UBE2D2: variants seen among roughly 807,000 people sequenced by gnomAD.
UBE2D2 encodes the protein ubiquitin conjugating enzyme E2 D2, also known as ubiquitin-conjugating enzyme E2 D2.
In UBE2D2, 2 loss-of-function variants were observed where a neutral mutation model predicts 24.2. The ratio of observed to expected loss-of-function variants is 0.08; its 90% CI spans 0.03 to 0.26. The LOEUF is 0.26. UBE2D2 is among the 10% of genes least tolerant of loss of function. The pLI, the probability that UBE2D2 is intolerant of heterozygous loss-of-function variation, is 1.00. For synonymous variants in UBE2D2, 58 were observed against 56.5 expected (o/e 1.03, Z -0.12); for missense variants, 44 against 177.6 (o/e 0.25, Z 4.28).
intron 1 of UBE2D2, among the ~76,000 whole-genome samples, chr5:139,547,012 C>G (rs764830463): frequency 4.0e-5 from 6 of 151,576 alleles, no homozygotes; most frequent in Admixed American, 2.6e-4. Flanking sequence ...TCCTGCCGGC[C>G]GGGCAAGGTG....
chr5:139,607,662 T>C (rs914407380), intron 2 of UBE2D2, among the ~76,000 whole-genome samples: 3 of 152,312 alleles, frequency 2.0e-5, no homozygotes, highest in Admixed American at 6.5e-5. Flanking sequence ...TAAATAGATA[T>C]GGATTACAGA....
chr5:139,577,766 G>A (rs186589788), intron 1 of UBE2D2, among the ~76,000 whole-genome samples: 282 of 152,246 alleles, frequency 1.9e-3, no homozygotes, highest in Non-Finnish European at 3.4e-3. Context: ...CCTATATTAA[G>A]TAGCACAGAA....
At chr5:139,602,496 G>C (rs1754101146) in intron 2 of UBE2D2, among the ~76,000 whole-genome samples, 1 of 152,044 alleles carries the variant, frequency 6.6e-6, no homozygotes, top group Non-Finnish European at 1.5e-5. Flanking sequence ...GGGCAACATG[G>C]TGAAACCCTC....
intron 5 of UBE2D2, among the ~76,000 whole-genome samples, chr5:139,616,225 C>CGAGGCAGGAGAATCGCTTG (rs1029545179): frequency 1.3e-5 from 2 of 151,584 alleles, no homozygotes; most frequent in African/African-American, 4.8e-5. Flanking sequence ...TTTGGGAGGC[C>CGAGGCAGGAGAATCGCTTG]GAGGCAGGAG....
intron 2 of UBE2D2, among the ~76,000 whole-genome samples, chr5:139,601,782 GCGCCTGTAATCCCA>G (rs1754083932): frequency 6.6e-6 from 1 of 151,704 alleles, no homozygotes; most frequent in Admixed American, 6.6e-5. Context: ...ATGGTGACAG[GCGCCTGTAATCCCA>G]CCTACTTGGG....
At chr5:139,615,072 C>A (rs1754395492) in intron 5 of UBE2D2, 106 bp downstream of exon 5, 2 of 1,114,806 alleles carry the variant, frequency 1.8e-6, no homozygotes, top group Non-Finnish European at 2.6e-6. Context: ...GAAGAGATAG[C>A]AATTCTTCTT....
chr5:139,543,912 G>C (rs1442779681), intron 1 of UBE2D2, among the ~76,000 whole-genome samples: 1 of 152,166 alleles, frequency 6.6e-6, no homozygotes, highest in Non-Finnish European at 1.5e-5. Flanking sequence ...TTTTCCCACA[G>C]AGAGCCATTG....
chr5:139,541,825 G>A (rs939160329), intron 1 of UBE2D2, among the ~76,000 whole-genome samples: 1 of 152,056 alleles, frequency 6.6e-6, no homozygotes, highest in African/African-American at 2.4e-5. Context: ...GCTGAGGATG[G>A]CGGATCACTG....
chr5:139,609,469 C>G (rs1754266027), intron 2 of UBE2D2, among the ~76,000 whole-genome samples: 1 of 151,766 alleles, frequency 6.6e-6, no homozygotes, highest in East Asian at 1.9e-4. Context: ...CTCCCAGGTT[C>G]AAGCGATTCT....
At chr5:139,589,195 G>A (rs1433280789) in intron 1 of UBE2D2, among the ~76,000 whole-genome samples, 1 of 152,034 alleles carries the variant, frequency 6.6e-6, no homozygotes, top group Non-Finnish European at 1.5e-5. Context: ...GGAATTCAAG[G>A]ATACAGTGAG....
At chr5:139,553,078 T>C (rs2126640570) in intron 1 of UBE2D2, among the ~76,000 whole-genome samples, 2 of 152,038 alleles carry the variant, frequency 1.3e-5, no homozygotes, top group Admixed American at 1.3e-4. Context: ...CTTGGCCTTC[T>C]GAAGTGCTGG....
At chr5:139,616,199 C>T (rs181224660) in intron 5 of UBE2D2, among the ~76,000 whole-genome samples, 9 of 151,736 alleles carry the variant, frequency 5.9e-5, no homozygotes, top group African/African-American at 2.2e-4. Context: ...GTGGCTCACG[C>T]CTGTAATCCC....
intron 1 of UBE2D2, among the ~76,000 whole-genome samples, chr5:139,551,972 A>G (rs186058550): frequency 6.6e-6 from 1 of 152,200 alleles, no homozygotes; most frequent in African/African-American, 2.4e-5. Flanking sequence ...TGGTAAGCAG[A>G]ACACATCCCA....
At chr5:139,593,716 A>G (rs917008189) in intron 1 of UBE2D2, among the ~76,000 whole-genome samples, 10 of 152,016 alleles carry the variant, frequency 6.6e-5, no homozygotes, top group Admixed American at 2.0e-4. Flanking sequence ...GGCTCAAGCA[A>G]TCCTCCTACC....
At chr5:139,589,668 A>C (rs140985926) in intron 1 of UBE2D2, among the ~76,000 whole-genome samples, 12 of 152,376 alleles carry the variant, frequency 7.9e-5, no homozygotes, top group Non-Finnish European at 1.2e-4. Flanking sequence ...ATTTAGAAGA[A>C]AATGGCTTTA....
At chr5:139,570,082 C>T (rs960032879) in intron 1 of UBE2D2, among the ~76,000 whole-genome samples, 1 of 151,982 alleles carries the variant, frequency 6.6e-6, no homozygotes, top group Non-Finnish European at 1.5e-5. Context: ...AATGGGAGAC[C>T]CTGTCTCTAC....
At chr5:139,581,812 G>A (rs918566116) in intron 1 of UBE2D2, among the ~76,000 whole-genome samples, 1 of 151,926 alleles carries the variant, frequency 6.6e-6, no homozygotes, top group Non-Finnish European at 1.5e-5. Context: ...GGGATTACAG[G>A]CGCGCGCCAC....
At chr5:139,601,705 T>G (rs865865170) in intron 2 of UBE2D2, among the ~76,000 whole-genome samples, 2 of 151,900 alleles carry the variant, frequency 1.3e-5, no homozygotes, top group South Asian at 4.2e-4. Context: ...GGTCAGAGTT[T>G]GAGACCATCC....
At position 139,620,041 on chromosome 5, in the gene UBE2D2, G is replaced by A. The variant is rs189991074; in HGVS notation, c.305-3327G>A. Among the ~76,000 whole-genome samples, 4 of 152,172 alleles carry A rather than the reference G, an allele frequency of 2.6e-5. No individual in the cohort carries two copies. In the East Asian group the frequency reaches 7.7e-4, roughly 29 times the overall value. ...AGAGATGGGGGAGGTGCCACACACT[G>A]TTAAACAGCCAGATCTCATGAGAAC... On this transcript the variant is annotated intron_variant, in intron 5 of 6. Transcript: ENST00000398733.
Sources: gnomAD v4.1 joint callset for allele counts (sites outside exome capture counted in the v4.1 genomes callset) on GRCh38, gnomAD v4.1.1 for gene constraint, MANE v1.5 for transcripts, NCBI Gene and HGNC (gene_info 2026-07-23, HGNC 2026-07-21) for gene names.